AGMO: variants seen among roughly 807,000 people sequenced by gnomAD.
AGMO encodes glyceryl-ether monooxygenase.
Under a neutral mutation model 60.2 loss-of-function variants are expected in AGMO, and 75 were observed. The observed-to-expected ratio is 1.25, with a 90% CI of 1.03 to 1.51. The LOEUF (loss-of-function observed/expected upper bound fraction) is 1.51. AGMO is among the 40% of genes most tolerant of loss of function. The pLI is 0.00. For missense variants in AGMO, 763 were observed against 525.5 expected (o/e 1.45, Z -4.42); for synonymous variants, 261 against 177.1 (o/e 1.47, Z -3.76).
At chr7:15,184,053 A>AT in the AGMO span, among the ~76,000 whole-genome samples, 1 of 152,152 alleles carries the variant, frequency 6.6e-6, no homozygotes, top group Non-Finnish European at 1.5e-5. Flanking sequence ...CTTTTATTTA[A>AT]TTTAATCTCT....
At chr7:15,272,945 T>TG (rs1783662059) in intron 12 of AGMO, among the ~76,000 whole-genome samples, 1 of 152,214 alleles carries the variant, frequency 6.6e-6, no homozygotes, top group Non-Finnish European at 1.5e-5. Context: ...TTTCGAGAAG[T>TG]GTCTGTTCAT....
At chr7:15,289,544 A>C (rs1162026769) in intron 12 of AGMO, among the ~76,000 whole-genome samples, 3 of 151,178 alleles carry the variant, frequency 2.0e-5, no homozygotes, top group Non-Finnish European at 2.9e-5. Flanking sequence ...ATCTCCAAAA[A>C]AGAAATTTAA....
the AGMO span, among the ~76,000 whole-genome samples, chr7:15,137,233 T>G: frequency 6.6e-6 from 1 of 152,228 alleles, no homozygotes; most frequent in African/African-American, 2.4e-5. Context: ...GCTTTGCATA[T>G]TCTTTTCATC....
In AGMO at chr7:15,510,561, C is replaced by CAT. The variant is rs557579484; in HGVS notation, c.409+34209_409+34210dup. Among the ~76,000 whole-genome samples the CAT allele has an allele frequency of 4.2e-3, 584 of 140,042 alleles. 4 individuals are homozygous for CAT. The highest frequency in any genetic ancestry group is 0.014 in the African/African-American group (543 of 38,372). 91.9% of individuals were successfully genotyped at this position (140,042 alleles called of 152,430 possible). ...ATCTATATATATCATATATATATGT[C>CAT]ATATATGTGATATATATGACATATA... On this transcript the variant is annotated intron_variant, in intron 3 of 12. Transcript: ENST00000342526.
At chr7:15,477,418 T>A (rs903812884) in intron 3 of AGMO, among the ~76,000 whole-genome samples, 15 of 152,228 alleles carry the variant, frequency 9.9e-5, no homozygotes, top group African/African-American at 3.4e-4. Flanking sequence ...GTATCATGTT[T>A]CAAGGTGAAA....
At chr7:15,127,390 T>C in the AGMO span, among the ~76,000 whole-genome samples, 2 of 152,146 alleles carry the variant, frequency 1.3e-5, no homozygotes, top group African/African-American at 4.8e-5. Context: ...AACAAAAATT[T>C]TCTCAACCTT....
At chr7:15,385,397 C>G (rs147519524) in intron 10 of AGMO, 49 bp downstream of exon 10, 53 of 1,240,100 alleles carry the variant, frequency 4.3e-5, no homozygotes, top group Non-Finnish European at 5.9e-5. Context: ...CATTTTCAAA[C>G]AAAGTAACAG....
At chr7:15,198,861 AATG>A (rs1781201664), downstream of AGMO, among the ~76,000 whole-genome samples, 1 of 152,106 alleles carries the variant, frequency 6.6e-6, no homozygotes, top group South Asian at 2.1e-4. Flanking sequence ...GTTTCACAAT[AATG>A]ATGTTATCCC....
downstream of AGMO, among the ~76,000 whole-genome samples, chr7:15,195,529 C>T (rs1391529615): frequency 1.3e-5 from 2 of 152,214 alleles, no homozygotes; most frequent in Non-Finnish European, 2.9e-5. Context: ...GGGTTTTGTA[C>T]TTGGCTGGCG....
At chr7:15,157,112 A>T in the AGMO span, among the ~76,000 whole-genome samples, 1 of 152,158 alleles carries the variant, frequency 6.6e-6, no homozygotes, top group Non-Finnish European at 1.5e-5. Flanking sequence ...ATTATTATTA[A>T]TAATAACACT....
intron 12 of AGMO, among the ~76,000 whole-genome samples, chr7:15,242,759 T>C (rs1782629939): frequency 6.6e-6 from 1 of 152,176 alleles, no homozygotes; most frequent in African/African-American, 2.4e-5. Flanking sequence ...AAACACATGA[T>C]AATCTTAATA....
chr7:15,313,361 T>G (rs1383776098), intron 12 of AGMO, among the ~76,000 whole-genome samples: 1 of 152,206 alleles, frequency 6.6e-6, no homozygotes, highest in Non-Finnish European at 1.5e-5. Flanking sequence ...AATGAGGAAC[T>G]AGAACAGAAG....
At chr7:15,412,171 C>T (rs1780631110) in intron 5 of AGMO, among the ~76,000 whole-genome samples, 1 of 152,094 alleles carries the variant, frequency 6.6e-6, no homozygotes, top group South Asian at 2.1e-4. Context: ...TATGCTTTCT[C>T]ATTTTGCACA....
intron 3 of AGMO, among the ~76,000 whole-genome samples, chr7:15,525,520 C>T (rs1784105245): frequency 6.6e-6 from 1 of 152,116 alleles, no homozygotes; most frequent in Admixed American, 6.6e-5. Context: ...GTAAAAGCCC[C>T]AGCTGAGAGA....
At chr7:15,225,566 T>C (rs1220943652) in intron 12 of AGMO, among the ~76,000 whole-genome samples, 1 of 151,950 alleles carries the variant, frequency 6.6e-6, no homozygotes, top group Non-Finnish European at 1.5e-5. Flanking sequence ...ACATCAATCT[T>C]GGTAATATCC....
At chr7:15,497,933 A>G (rs1783276959) in intron 3 of AGMO, among the ~76,000 whole-genome samples, 2 of 152,020 alleles carry the variant, frequency 1.3e-5, no homozygotes, top group African/African-American at 4.8e-5. Context: ...TATGTTTGGA[A>G]CAATACTTTT....
chr7:15,489,767 G>A (rs1417619687), intron 3 of AGMO, among the ~76,000 whole-genome samples: 1 of 152,148 alleles, frequency 6.6e-6, no homozygotes, highest in East Asian at 1.9e-4. Context: ...CATCATCTAA[G>A]CTAATGCCTA....
At chr7:15,446,131 C>T (rs1295626059) in intron 3 of AGMO, among the ~76,000 whole-genome samples, 1 of 152,134 alleles carries the variant, frequency 6.6e-6, no homozygotes, top group African/African-American at 2.4e-5. Context: ...AAAATATTGT[C>T]AAAGCCTAAG....
rs533325997 is a variant in AGMO, at chr7:15,530,260, G to T, written c.409+14512C>A. Among the ~76,000 whole-genome samples, 53 of 19,976 alleles carry T rather than the reference G, an allele frequency of 2.7e-3. 9 individuals carry two copies. The highest frequency in any genetic ancestry group is 0.013 in the African/African-American group (49 of 3,766). 13.1% of individuals were successfully genotyped at this position (19,976 alleles called of 152,430 possible). ...TATTCTATATACGTATTTCCATATA[G>T]ATATTCTATATACGTATTTCCATAT... is the stretch of plus-strand genomic sequence containing the variant. On this transcript the variant is annotated intron_variant, in intron 3 of 12. Coordinates refer to ENST00000342526, the MANE Select transcript of AGMO (RefSeq NM_001004320.2).
Sources: allele counts gnomAD v4.1 joint callset (sites outside exome capture counted in the v4.1 genomes callset), GRCh38; gene constraint gnomAD v4.1.1; transcripts MANE v1.5; gene names NCBI Gene and HGNC (gene_info 2026-07-23, HGNC 2026-07-21).